CRISPLD2: variants seen among roughly 807,000 people sequenced by gnomAD.
CRISPLD2 encodes the protein cysteine-rich secretory protein LCCL domain-containing 2.
CRISPLD2 carries 47 observed loss-of-function variants against 71.1 expected under a neutral mutation model. That is an observed-to-expected ratio of 0.66 (90% confidence interval 0.52 to 0.84). The LOEUF (loss-of-function observed/expected upper bound fraction) is 0.84. CRISPLD2 is among the 40% of genes least tolerant of loss of function. The pLI, the probability that CRISPLD2 is intolerant of heterozygous loss-of-function variation, is 0.00. For missense variants in CRISPLD2, 830 were observed against 651.1 expected, an observed-to-expected ratio of 1.27 and a Z score of -2.99; for synonymous variants, 317 against 250.1, an observed-to-expected ratio of 1.27 and a Z score of -2.52.
chr16:84,887,292 G>T (rs980860892), intron 13 of CRISPLD2, among the ~76,000 whole-genome samples: 3 of 152,190 alleles, frequency 2.0e-5, no homozygotes, highest in African/African-American at 7.2e-5. Context: ...CACTACACGT[G>T]CAGGGAGGAC....
chr16:84,905,093 C>A (rs951407193), intron 14 of CRISPLD2, among the ~76,000 whole-genome samples: 1 of 152,064 alleles, frequency 6.6e-6, no homozygotes, highest in Non-Finnish European at 1.5e-5. Context: ...CCAGCCTGGG[C>A]AACATAGTGA....
In CRISPLD2 at chr16:84,872,530, C is replaced by T. The variant is rs548950008; in HGVS notation, c.981+22C>T. On this transcript the variant is annotated intron_variant, in intron 9 of 14. Transcript: ENST00000262424. The stretch of plus-strand genomic sequence containing the variant: ...AAGCGTGAGTGTGGCCAGTCCTCCT[C>T]TCAATGGCTTGTGTGGGATCCTGTT... 15 of 1,597,198 alleles carry T rather than the reference C, an allele frequency of 9.4e-6. 1 individual carries two copies. In the South Asian group the frequency reaches 1.6e-4, roughly 17 times the overall value.
At chr16:84,841,722 A>G (rs1435107348) in intron 2 of CRISPLD2, among the ~76,000 whole-genome samples, 1 of 151,806 alleles carries the variant, frequency 6.6e-6, no homozygotes, top group Non-Finnish European at 1.5e-5. Context: ...CGGCCTCCCA[A>G]GTAGTTGGGA....
intron 6 of CRISPLD2, among the ~76,000 whole-genome samples, chr16:84,866,274 C>T (rs549775123): frequency 6.7e-6 from 1 of 149,774 alleles, no homozygotes; most frequent in South Asian, 2.1e-4. Context: ...GCTCTTGTCA[C>T]ACAGGCTGGA....
chr16:84,895,804 A>T (rs552406011), intron 14 of CRISPLD2, among the ~76,000 whole-genome samples: 5 of 152,114 alleles, frequency 3.3e-5, no homozygotes, highest in Non-Finnish European at 5.9e-5. Context: ...CACCTGCTGG[A>T]TGCTCGCCTC....
chr16:84,848,505 C>T (rs573306285), intron 3 of CRISPLD2, among the ~76,000 whole-genome samples: 66 of 151,072 alleles, frequency 4.4e-4, no homozygotes, highest in African/African-American at 1.4e-3. Context: ...AAGGCTGAAG[C>T]AAGGGGGTGG....
chr16:84,866,526 G>A (rs775995250), intron 6 of CRISPLD2, among the ~76,000 whole-genome samples: 4 of 152,138 alleles, frequency 2.6e-5, no homozygotes, highest in Non-Finnish European at 5.9e-5. Flanking sequence ...ATGAGCCACC[G>A]CACCCGGCCT....
intron 14 of CRISPLD2, among the ~76,000 whole-genome samples, chr16:84,903,569 G>A (rs914751405): frequency 6.6e-6 from 1 of 151,048 alleles, no homozygotes; most frequent in African/African-American, 2.4e-5. Context: ...TCCAGCCTGG[G>A]CAACAGGGCG....
In CRISPLD2 at chr16:84,838,628, T is replaced by C; in HGVS notation, c.133T>C (p.Ser45Pro). ...CAAATACCAGCACAACGAGTCTCAC[T>C]CCCGGGTCCGCAGAGCCATCCCCAG... Reference protein sequence around the residue: ...LSKYQHNESHSRVRRAIPRED... With the variant: ...LSKYQHNESHPRVRRAIPRED... Residue 45 changes from serine (S) to proline (P), a missense_variant, in exon 2 of 15, where the codon TCC becomes CCC. Physicochemically the swap from Ser to Pro is moderately conservative, Grantham distance 74 (BLOSUM62 -1). Transcript: ENST00000262424. 3 of 1,614,176 alleles carry C rather than the reference T, an allele frequency of 1.9e-6. No individual in the cohort carries two copies. The highest frequency in any genetic ancestry group is 2.5e-6 in the Non-Finnish European group (3 of 1,180,022).
At chr16:84,824,157 G>T (rs1181345374) in intron 1 of CRISPLD2, among the ~76,000 whole-genome samples, 2 of 152,172 alleles carry the variant, frequency 1.3e-5, no homozygotes, top group Non-Finnish European at 2.9e-5. Context: ...CCCAGGCAGA[G>T]GCACCGTGTG....
rs1027712667 is a variant in CRISPLD2, at chr16:84,905,088, C to A, written c.1440-1500C>A. ...TTGGGCCCAGGAGTTTGAGACCAGC[C>A]TGGGCAACATAGTGAGACTCCATCT... On this transcript the variant is annotated intron_variant, in intron 14 of 14. Transcript: ENST00000262424. Among the ~76,000 whole-genome samples the A allele has an allele frequency of 6.6e-5, 10 of 152,184 alleles. No homozygotes were observed. The East Asian group carries it at 1.7e-3, about 26-fold the overall frequency.
chr16:84,851,665 T>C (rs1454801293), intron 5 of CRISPLD2, among the ~76,000 whole-genome samples: 2 of 152,268 alleles, frequency 1.3e-5, no homozygotes, highest in East Asian at 3.9e-4. Context: ...GGGTGTGTCA[T>C]TGCCTGGGAG....
rs185129623 is a variant in CRISPLD2, at chr16:84,902,248, A to G, written c.1440-4340A>G. On this transcript the variant is annotated intron_variant, in intron 14 of 14. Coordinates refer to ENST00000262424, the MANE Select transcript of CRISPLD2 (RefSeq NM_031476.4). ...GCAATATCCCAAGTACAGAATAGAA[A>G]GGTGCTTCCACGAACTGAGCAGCGA... Among the ~76,000 whole-genome samples the G allele has an allele frequency of 4.7e-4, 72 of 152,266 alleles. 1 individual carries two copies. Among genetic ancestry groups the G allele is most frequent in the Admixed American group, 4.6e-3 (71 of 15,292 alleles).
At chr16:84,839,098 G>A (rs112597725) in intron 2 of CRISPLD2, 4,987 of 380,480 alleles carry the variant, frequency 0.013, 234 homozygotes, top group African/African-American at 0.096. Flanking sequence ...CGTTGCCCAG[G>A]CTGGTCTTGA....
chr16:84,895,592 A>G (rs2071699041), intron 14 of CRISPLD2, among the ~76,000 whole-genome samples: 1 of 152,178 alleles, frequency 6.6e-6, no homozygotes, highest in African/African-American at 2.4e-5. Context: ...CTAGTCTGAA[A>G]CTTTTCCCCC....
At chr16:84,903,460 C>G (rs927031062) in intron 14 of CRISPLD2, among the ~76,000 whole-genome samples, 2 of 152,060 alleles carry the variant, frequency 1.3e-5, no homozygotes, top group Non-Finnish European at 2.9e-5. Context: ...GGTGTGGTGG[C>G]GCATGCCTGT....
chr16:84,880,462 G>A (rs2071558219), intron 12 of CRISPLD2, 47 bp from the exon 13 acceptor site: 6 of 1,449,330 alleles, frequency 4.1e-6, no homozygotes, highest in Non-Finnish European at 5.7e-6. Context: ...TAAGAAGTTT[G>A]GTTTTCTGTG....
chr16:84,873,700 A>G (rs1016117534), intron 10 of CRISPLD2, among the ~76,000 whole-genome samples: 1 of 152,130 alleles, frequency 6.6e-6, no homozygotes, highest in Admixed American at 6.5e-5. Context: ...GAAGGGATCT[A>G]TAGGCCTCAC....
At chr16:84,867,445 G>A (rs1338424427) in intron 7 of CRISPLD2, among the ~76,000 whole-genome samples, 1 of 152,178 alleles carries the variant, frequency 6.6e-6, no homozygotes, top group Non-Finnish European at 1.5e-5. Flanking sequence ...GACTCAGTTG[G>A]CGCATCCATG....
Sources: gnomAD v4.1 joint callset for allele counts (sites outside exome capture counted in the v4.1 genomes callset) on GRCh38, gnomAD v4.1.1 for gene constraint, MANE v1.5 for transcripts, NCBI Gene and HGNC (gene_info 2026-07-23, HGNC 2026-07-21) for gene names.